PHF24: variants seen among roughly 807,000 people sequenced by gnomAD.
PHF24 encodes the protein PHD finger protein 24, also known as Galpha inhibitory interacting protein.
Under a neutral mutation model 42.6 loss-of-function variants are expected in PHF24, and 25 were observed. The observed-to-expected ratio is 0.59, with a 90% CI of 0.43 to 0.82. The LOEUF (loss-of-function observed/expected upper bound fraction) is 0.82. Among genes scored for constraint, PHF24 ranks in the 40% least tolerant of loss-of-function variants. The pLI is 0.00. For synonymous variants in PHF24, 185 were observed against 204.8 expected, an observed-to-expected ratio of 0.90 and a Z score of 0.83; for missense variants, 470 against 538.1, an observed-to-expected ratio of 0.87 and a Z score of 1.25.
chr9:34,804,057 G>A, the PHF24 span, among the ~76,000 whole-genome samples: 1 of 152,266 alleles, frequency 6.6e-6, no homozygotes, highest in African/African-American at 2.4e-5. Context: ...ACCCAAGCTT[G>A]GTGGAAGTAA....
chr9:34,702,526 C>G, the PHF24 span, among the ~76,000 whole-genome samples: 1 of 152,234 alleles, frequency 6.6e-6, no homozygotes, highest in Non-Finnish European at 1.5e-5. Flanking sequence ...TTTTAGTTTG[C>G]TGCCTACTGA....
the PHF24 span, among the ~76,000 whole-genome samples, chr9:34,949,137 C>T: frequency 9.0e-3 from 1,370 of 152,288 alleles, 11 homozygotes; most frequent in African/African-American, 0.031. Flanking sequence ...AGTAAGGATA[C>T]AGAAGACCTG....
exon 5 of PHF24, chr9:34,976,690 G>A: frequency 6.2e-7 from 1 of 1,614,204 alleles, no homozygotes; most frequent in East Asian, 2.2e-5. Context: ...AGAGTGGCCT[G>A]ACTTCTTGTC....
the PHF24 span, among the ~76,000 whole-genome samples, chr9:34,875,986 T>A: frequency 7.2e-6 from 1 of 138,976 alleles, no homozygotes; most frequent in South Asian, 2.4e-4. Flanking sequence ...TCTCTCTCTC[T>A]CACTCCTTCC....
the PHF24 span, among the ~76,000 whole-genome samples, chr9:34,908,140 C>T: frequency 6.6e-6 from 1 of 151,984 alleles, no homozygotes; most frequent in Admixed American, 6.5e-5. Flanking sequence ...CACACCCGGC[C>T]TCTTCACAGT....
the PHF24 span, among the ~76,000 whole-genome samples, chr9:34,667,248 T>A: frequency 1.3e-5 from 2 of 152,066 alleles, no homozygotes; most frequent in South Asian, 4.1e-4. Flanking sequence ...TGACCAGAAA[T>A]AAGTGGGGTG....
At chr9:34,887,845 T>G in the PHF24 span, among the ~76,000 whole-genome samples, 1 of 152,188 alleles carries the variant, frequency 6.6e-6, no homozygotes, top group Non-Finnish European at 1.5e-5. Flanking sequence ...TTTCCTCTTA[T>G]GTTCACTGCT....
the PHF24 span, among the ~76,000 whole-genome samples, chr9:34,899,687 G>T: frequency 7.9e-5 from 12 of 152,112 alleles, no homozygotes; most frequent in African/African-American, 2.7e-4. Context: ...CTCACACAGC[G>T]GATTACTACC....
chr9:34,922,090 A>G, the PHF24 span: 2 of 1,153,286 alleles, frequency 1.7e-6, no homozygotes, highest in Non-Finnish European at 1.3e-6. Context: ...TAAACCTGTC[A>G]TAAATTGTAA....
chr9:34,892,456 C>T, the PHF24 span, among the ~76,000 whole-genome samples: 1 of 152,318 alleles, frequency 6.6e-6, no homozygotes. Flanking sequence ...CTGCCCTGTA[C>T]AGAACTCCTC....
the PHF24 span, among the ~76,000 whole-genome samples, chr9:34,824,278 T>G: frequency 5.9e-5 from 9 of 152,212 alleles, no homozygotes; most frequent in Non-Finnish European, 1.3e-4. Context: ...AGGTGAGCAT[T>G]GAGTCTTCCC....
At chr9:34,823,059 G>A in the PHF24 span, among the ~76,000 whole-genome samples, 2 of 151,430 alleles carry the variant, frequency 1.3e-5, no homozygotes, top group African/African-American at 2.4e-5. Flanking sequence ...AGCCGGGCGC[G>A]GTGGCGGGCG....
At chr9:34,789,053 CCCA>C in the PHF24 span, among the ~76,000 whole-genome samples, 4 of 152,126 alleles carry the variant, frequency 2.6e-5, no homozygotes, top group Non-Finnish European at 4.4e-5. Flanking sequence ...CAACACCGGG[CCCA>C]CGCACGCAGA....
At chr9:34,932,041 A>G in the PHF24 span, among the ~76,000 whole-genome samples, 5 of 152,178 alleles carry the variant, frequency 3.3e-5, no homozygotes, top group Non-Finnish European at 5.9e-5. Flanking sequence ...TTCCCATGAA[A>G]TCACGGGAGG....
At chr9:34,705,142 T>G in the PHF24 span, among the ~76,000 whole-genome samples, 1 of 152,202 alleles carries the variant, frequency 6.6e-6, no homozygotes, top group South Asian at 2.1e-4. Context: ...ATATGAATTT[T>G]TACTGTATTC....
At chr9:34,936,260 G>A in the PHF24 span, among the ~76,000 whole-genome samples, 1,266 of 152,288 alleles carry the variant, frequency 8.3e-3, 11 homozygotes, top group African/African-American at 0.029. Context: ...TGGTGGAGAC[G>A]GGGTTTCGCT....
chr9:34,709,621 G>A, the PHF24 span: 1 of 1,614,154 alleles, frequency 6.2e-7, no homozygotes, highest in Non-Finnish European at 8.5e-7. Flanking sequence ...ATCAGCTGCT[G>A]CACCCAGAGC....
At chr9:34,878,446 G>A in the PHF24 span, among the ~76,000 whole-genome samples, 1 of 152,126 alleles carries the variant, frequency 6.6e-6, no homozygotes, top group Non-Finnish European at 1.5e-5. Context: ...GCAAGGGGTG[G>A]GGGAATTCCC....
the PHF24 span, chr9:34,690,424 C>CTA: frequency 1.6e-6 from 1 of 607,090 alleles, no homozygotes; most frequent in Non-Finnish European, 2.7e-6. Context: ...TTGAGGACAC[C>CTA]TGTGTGTGTG....
Sources: allele counts gnomAD v4.1 joint callset (sites outside exome capture counted in the v4.1 genomes callset), GRCh38; gene constraint gnomAD v4.1.1; transcripts MANE v1.5; gene names NCBI Gene and HGNC (gene_info 2026-07-23, HGNC 2026-07-21).